ERLIN2: variants seen among roughly 807,000 people sequenced by gnomAD.
ERLIN2 encodes the protein ER lipid raft associated 2, also known as erlin-2.
Under a neutral mutation model 41.5 loss-of-function variants are expected in ERLIN2, and 22 were observed. The ratio of observed to expected loss-of-function variants is 0.53; its 90% CI spans 0.38 to 0.76. The LOEUF (loss-of-function observed/expected upper bound fraction) is 0.76, where lower values mean the gene tolerates loss of function less well. ERLIN2 is among the 30% of genes least tolerant of loss of function. The pLI is 0.00. For synonymous variants in ERLIN2, 149 were observed against 150.9 expected (o/e 0.99, Z 0.09); for missense variants, 247 against 414.3 (o/e 0.60, Z 3.51).
In ERLIN2 at chr8:37,754,145, T is replaced by A; in HGVS notation, c.*30T>A. 6.8e-7 allele frequency: 1 copy of A among 1,466,312 alleles called. No homozygotes were observed. The highest frequency in any genetic ancestry group is 9.5e-7 in the Non-Finnish European group (1 of 1,047,564). 90.8% of individuals were successfully genotyped at this position (1,466,312 alleles called of 1,614,324 possible). A position where few individuals can be genotyped will look rare whatever the true frequency, so the allele number is the denominator to read the frequency against. On this transcript the variant is annotated 3_prime_UTR_variant, in exon 12 of 12. Coordinates refer to ENST00000519638, the MANE Select transcript of ERLIN2 (RefSeq NM_007175.8). Reference sequence around the variant, plus strand: ...AACTTGATATGACTGCAAATGATACTTAAGCAGATCTTTATTTTTTAAGAT... The same window carrying A: ...AACTTGATATGACTGCAAATGATACATAAGCAGATCTTTATTTTTTAAGAT...
rs1262682286 is a variant in ERLIN2 at position 37,755,053 on chromosome 8, G to T, written c.*938G>T. The T allele has an allele frequency of 6.6e-6, 1 of 152,368 alleles. No individual in the cohort carries two copies. The highest frequency in any genetic ancestry group is 2.4e-5 in the African/African-American group (1 of 41,468). 9.4% of individuals were successfully genotyped at this position (152,368 alleles called of 1,614,324 possible). A position where few individuals can be genotyped will look rare whatever the true frequency, so the allele number is the denominator to read the frequency against. On this transcript the variant is annotated 3_prime_UTR_variant, in exon 12 of 12. Transcript: ENST00000519638. ...GTAGTGAAGAGGTCTGACACCATGTGTGGAGGAGGAGGAACGATCAGTCAA... is the reference window on the plus strand; with the variant it reads ...GTAGTGAAGAGGTCTGACACCATGTTTGGAGGAGGAGGAACGATCAGTCAA...
chr8:37,737,527 A>G lies in ERLIN2; in HGVS notation c.-15-381A>G, dbSNP rs1347238106. 20 of 266,536 alleles carry G rather than the reference A, an allele frequency of 7.5e-5. No homozygotes were observed. In the Admixed American group the frequency reaches 1.0e-3, roughly 13 times the overall value. The allele number at this position is 266,536 out of a possible 1,614,324, so 16.5% of individuals were successfully genotyped here. On this transcript the variant is annotated intron_variant, in intron 1 of 11. Coordinates refer to ENST00000519638, the MANE Select transcript of ERLIN2 (RefSeq NM_007175.8). ...CTGCCTGTCATTTGGCATCCTCTGT[A>G]ATTTGGGCCAAAGTACTGCAGCTGC...
intron 10 of ERLIN2, among the ~76,000 whole-genome samples, chr8:37,752,577 G>C (rs117790283): frequency 2.6e-5 from 4 of 152,304 alleles, no homozygotes; most frequent in Admixed American, 2.6e-4. Context: ...ACCCTGGCTG[G>C]ACTGCAGGTT....
At chr8:37,745,037 T>C (rs1303020979) in intron 6 of ERLIN2, 5 of 590,766 alleles carry the variant, frequency 8.5e-6, no homozygotes, top group Admixed American at 6.0e-5. Flanking sequence ...AGAAGAACCT[T>C]AGAGATTGTC....
chr8:37,747,367 T>C, intron 6 of ERLIN2: 1 of 1,423,636 alleles, frequency 7.0e-7, no homozygotes, highest in Non-Finnish European at 9.9e-7. Context: ...CAAGGTCCCC[T>C]TCATTTTCAC....
At chr8:37,751,838 G>C in intron 10 of ERLIN2, 123 bp downstream of exon 10, 1 of 770,002 alleles carries the variant, frequency 1.3e-6, no homozygotes. Context: ...CTGTGCAACA[G>C]CAGCTTTTCT....
intron 10 of ERLIN2, 85 bp from the exon 11 acceptor site, chr8:37,753,365 C>A: frequency 8.8e-7 from 1 of 1,142,806 alleles, no homozygotes; most frequent in Non-Finnish European, 1.3e-6. Flanking sequence ...GGGACCAGAA[C>A]AGAGTCTTCC....
intron 9 of ERLIN2, 128 bp downstream of exon 9, chr8:37,750,614 A>G (rs1803196519): frequency 1.3e-6 from 1 of 780,936 alleles, no homozygotes; most frequent in South Asian, 1.4e-5. Flanking sequence ...CAGGAGTGGC[A>G]GGTGGACTCC....
At chr8:37,737,035 C>T in intron 1 of ERLIN2, 3 of 972,990 alleles carry the variant, frequency 3.1e-6, no homozygotes, top group Non-Finnish European at 3.7e-6. Flanking sequence ...CAGATGTCCG[C>T]GCCCCGGTTA....
intron 9 of ERLIN2, among the ~76,000 whole-genome samples, chr8:37,751,008 C>T (rs753736477): frequency 2.0e-5 from 3 of 152,174 alleles, no homozygotes; most frequent in Admixed American, 2.0e-4. Flanking sequence ...CGTGAGCCAC[C>T]GTGCCCAGCC....
At chr8:37,737,240 C>T (rs1483173478) in intron 1 of ERLIN2, 9 of 156,662 alleles carry the variant, frequency 5.7e-5, no homozygotes, top group Admixed American at 5.7e-4. Context: ...TTCTCTCTGA[C>T]CACGGGCTTG....
chr8:37,737,677 G>C (rs1802698620), intron 1 of ERLIN2: 2 of 522,582 alleles, frequency 3.8e-6, no homozygotes, highest in Non-Finnish European at 6.9e-6. Flanking sequence ...GGCTGTATCC[G>C]GAGCCAGTGC....
chr8:37,755,447 G>A lies in ERLIN2; in HGVS notation c.*1332G>A, dbSNP rs1803332086. The A allele has an allele frequency of 6.6e-6, 1 of 152,132 alleles. No homozygotes were observed. Among genetic ancestry groups the A allele is most frequent in the South Asian group, 2.1e-4 (1 of 4,832 alleles). The allele number at this position is 152,132 out of a possible 1,614,324, so 9.4% of individuals were successfully genotyped here. On this transcript the variant is annotated 3_prime_UTR_variant, in exon 12 of 12. Coordinates refer to ENST00000519638, the MANE Select transcript of ERLIN2 (RefSeq NM_007175.8). The stretch of plus-strand genomic sequence containing the variant: ...CCAACCTGTATAGCCCATGGGTTGT[G>A]TCTAGAATTAAGTGGAGGGCAGCTA...
At chr8:37,749,893 C>T (rs1803178421) in intron 8 of ERLIN2, 41 bp downstream of exon 8, 1 of 1,517,078 alleles carries the variant, frequency 6.6e-7, no homozygotes, top group Non-Finnish European at 9.2e-7. Context: ...ACCACTGCCT[C>T]CCACCTCCCA....
intron 4 of ERLIN2, among the ~76,000 whole-genome samples, chr8:37,743,476 C>T (rs1035248899): frequency 5.3e-5 from 8 of 152,106 alleles, no homozygotes; most frequent in African/African-American, 1.9e-4. Flanking sequence ...GATACCAGAC[C>T]TTTTGGATTA....
rs1803399685 is a variant in ERLIN2, at chr8:37,758,182, T to C, written c.*4067T>C. ...AAGTCCGGCAACCCTAGCCCAGGCT[T>C]TCTCAGGTTTTTTTTAACAGGGATC... On this transcript the variant is annotated 3_prime_UTR_variant, in exon 12 of 12. Coordinates refer to ENST00000519638, the MANE Select transcript of ERLIN2 (RefSeq NM_007175.8). 6.6e-6 allele frequency: 1 copy of C among 152,184 alleles called. No individual in the cohort carries two copies. The allele number at this position is 152,184 out of a possible 1,614,324, so 9.4% of individuals were successfully genotyped here. A position where few individuals can be genotyped will look rare whatever the true frequency, so the allele number is the denominator to read the frequency against.
rs1563318442 is a variant in ERLIN2, at chr8:37,754,099, C to A, written c.1004C>A (p.Ala335Asp). 1.2e-6 allele frequency: 2 copies of A among 1,613,220 alleles called. No homozygotes were observed. The change falls in exon 12 of 12, where the codon GCC (alanine) becomes GAC (aspartate). Residue 335 changes from alanine to aspartate, a missense_variant. By Grantham distance (126) the Ala-to-Asp change is moderately radical. Coordinates refer to ENST00000519638, the MANE Select transcript of ERLIN2 (RefSeq NM_007175.8). ...TTAGAAGATGAACCCTTGGAGACGG[C>A]CACTAAGGAGAATTGAAAAAAACTT... ...FGLEDEPLET[A>D]TKEN
intron 1 of ERLIN2, 42 bp from the exon 2 acceptor site, chr8:37,737,866 T>C: frequency 1.2e-6 from 2 of 1,612,554 alleles, no homozygotes; most frequent in South Asian, 2.2e-5. Context: ...CCTTTTCTCC[T>C]GCACGTTGGA....
chr8:37,749,646 C>G lies in ERLIN2; in HGVS notation c.498+14C>G. 1 of 1,604,160 alleles carries G rather than the reference C, an allele frequency of 6.2e-7. No homozygotes were observed. ...CTGGTCATTCAAGTAAGCATTGCTG[C>G]ATGGGAGCAGCCCCTCTCTCTCTGA... is the stretch of plus-strand genomic sequence containing the variant. On this transcript the variant is annotated intron_variant, in intron 7 of 11. Transcript: ENST00000519638.
Sources: allele counts gnomAD v4.1 joint callset (sites outside exome capture counted in the v4.1 genomes callset), GRCh38; gene constraint gnomAD v4.1.1; transcripts MANE v1.5; gene names NCBI Gene and HGNC (gene_info 2026-07-23, HGNC 2026-07-21).